Variants in SETD1B observed in about 807,000 individuals in gnomAD.
SETD1B encodes the protein SET domain containing 1B, histone lysine methyltransferase, also known as histone-lysine N-methyltransferase SETD1B.
In SETD1B, 7 loss-of-function variants were observed where a neutral mutation model predicts 148.0. The observed-to-expected ratio is 0.05, with a 90% confidence interval of 0.03 to 0.09. The LOEUF (loss-of-function observed/expected upper bound fraction) is 0.09. Among genes scored for constraint, SETD1B ranks in the 10% least tolerant of loss-of-function variants. SETD1B has a pLI of 1.00. For synonymous variants in SETD1B, 1,361 were observed against 1,186.5 expected, an observed-to-expected ratio of 1.15 and a Z score of -3.02; for missense variants, 2,155 against 2,729.9, an observed-to-expected ratio of 0.79 and a Z score of 4.69.
In SETD1B at chr12:121,810,103, A is replaced by G. The variant is rs771086753; in HGVS notation, c.1158A>G (p.Gln386=). The G allele has an allele frequency of 2.6e-6, 4 of 1,550,096 alleles. No homozygotes were observed. The highest frequency in any genetic ancestry group is 1.7e-6 in the Non-Finnish European group (2 of 1,146,896). The change falls in exon 6 of 17, where the codon CAA becomes CAG. Residue 386 remains glutamine, a synonymous_variant. Coordinates refer to ENST00000604567, the MANE Select transcript of SETD1B (RefSeq NM_001353345.2). This position sits in a 1 kb window ranked among gnomAD's most constrained non-coding sequence, Gnocchi z 7.6. ...ATFAHTPPPA[Q]ATPAPGFKSA... is the part of the protein sequence containing the mutation. Reference sequence around the variant, plus strand: ...TTGCCCACACTCCACCACCCGCCCAAGCAACCCCTGCTCCTGGATTCAAGT... The same window carrying G: ...TTGCCCACACTCCACCACCCGCCCAGGCAACCCCTGCTCCTGGATTCAAGT...
At chr12:121,797,593 G>C in the SETD1B span, 1 of 456,578 alleles carries the variant, frequency 2.2e-6, no homozygotes, top group South Asian at 1.5e-5. Context: ...ACAGCTCACT[G>C]ATTGGATCCA....
intron 6 of SETD1B, among the ~76,000 whole-genome samples, chr12:121,813,436 A>G (rs1369053812): frequency 1.3e-5 from 2 of 152,240 alleles, no homozygotes; most frequent in Admixed American, 6.5e-5. Context: ...CTGAGAGCAC[A>G]GGCTGCAGAA....
upstream of SETD1B, chr12:121,801,203 G>A (rs1278999046): frequency 6.6e-6 from 1 of 152,270 alleles, no homozygotes; most frequent in Non-Finnish European, 1.5e-5. Flanking sequence ...CGATCGAAAG[G>A]AAAGTGGGCC....
the SETD1B span, chr12:121,797,657 A>G: frequency 2.2e-6 from 1 of 454,930 alleles, no homozygotes; most frequent in Non-Finnish European, 4.4e-6. Flanking sequence ...AGGGAGACGT[A>G]CATCAATTAC....
intron 6 of SETD1B, among the ~76,000 whole-genome samples, chr12:121,811,495 C>G (rs1017655252): frequency 3.9e-5 from 6 of 152,228 alleles, no homozygotes; most frequent in Non-Finnish European, 7.3e-5. Context: ...CCCCCACCCT[C>G]TCCTCAGGTC....
chr12:121,827,037 G>A lies in SETD1B; in HGVS notation c.5338-482G>A, dbSNP rs371692562. 3.9e-5 allele frequency among the ~76,000 whole-genome samples: 6 copies of A among 152,184 alleles called. No individual in the cohort carries two copies. The East Asian group carries it at 9.7e-4, about 25-fold the overall frequency. On this transcript the variant is annotated intron_variant, in intron 13 of 16. Coordinates refer to ENST00000604567, the MANE Select transcript of SETD1B (RefSeq NM_001353345.2). ...GCCCGGGGACCTAAGTGTAGGCATC[G>A]CCAGGAGAGAAGTGGTGACTGAAGG...
chr12:121,829,961 G>A (rs947872313), intron 16 of SETD1B, 105 bp from the exon 17 acceptor site: 84 of 1,051,210 alleles, frequency 8.0e-5, no homozygotes, highest in Non-Finnish European at 1.1e-4. Context: ...GGGGTCACGT[G>A]GCATGTCAGG....
chr12:121,811,506 A>C (rs1301461113), intron 6 of SETD1B, among the ~76,000 whole-genome samples: 2 of 152,152 alleles, frequency 1.3e-5, no homozygotes, highest in Non-Finnish European at 2.9e-5. Context: ...TCCTCAGGTC[A>C]TGGGGTCTCG....
chr12:121,790,212 C>T, the SETD1B span, among the ~76,000 whole-genome samples: 5 of 152,254 alleles, frequency 3.3e-5, no homozygotes, highest in African/African-American at 1.2e-4. Context: ...CCAGGACCAG[C>T]GTTTGGTCCT....
chr12:121,798,038 ACAGT>A, the SETD1B span, among the ~76,000 whole-genome samples: 5 of 152,202 alleles, frequency 3.3e-5, no homozygotes, highest in Non-Finnish European at 5.9e-5. Context: ...TTCCAACCAG[ACAGT>A]CCCGGGCAGG....
At chr12:121,798,148 A>C in the SETD1B span, among the ~76,000 whole-genome samples, 1 of 152,220 alleles carries the variant, frequency 6.6e-6, no homozygotes, top group African/African-American at 2.4e-5. Context: ...CTGCCAAGTC[A>C]AGCCACCTGG....
chr12:121,793,585 T>C, the SETD1B span: 1 of 1,553,042 alleles, frequency 6.4e-7, no homozygotes, highest in East Asian at 2.4e-5. Flanking sequence ...AGCTCCTTCC[T>C]GCCCGGACCG....
the SETD1B span, chr12:121,793,153 G>A: frequency 8.4e-6 from 13 of 1,549,710 alleles, no homozygotes; most frequent in African/African-American, 1.1e-4. Context: ...CGCACTCACC[G>A]GCCGTGTCGT....
chr12:121,804,754 C>A lies in SETD1B; in HGVS notation c.17C>A (p.Pro6His), dbSNP rs553235589. The A allele has an allele frequency of 1.2e-4, 189 of 1,550,056 alleles. 1 individual carries two copies. The African/African-American group carries it at 1.5e-3, about 12-fold the overall frequency. MENSH[P>H]PHHHHQQPPP... ...GTTAACGGCATGGAGAACAGTCACC[C>A]CCCCCACCACCACCACCAGCAGCCC... is the stretch of plus-strand genomic sequence containing the variant. Residue 6 changes from proline to histidine, a missense_variant, in exon 2 of 17, where the codon CCC becomes CAC. Physicochemically the swap from Pro to His is moderately conservative, Grantham distance 77. Coordinates refer to ENST00000604567, the MANE Select transcript of SETD1B (RefSeq NM_001353345.2). This position sits in a 1 kb window ranked among gnomAD's most constrained non-coding sequence, Gnocchi z 4.6.
At position 121,817,668 on chromosome 12, in the gene SETD1B, G is replaced by A; in HGVS notation, c.3276G>A (p.Gln1092=). The A allele has an allele frequency of 6.4e-7, 1 of 1,550,636 alleles. No individual in the cohort carries two copies. Among genetic ancestry groups the A allele is most frequent in the Non-Finnish European group, 8.7e-7 (1 of 1,146,582 alleles). Residue 1092 remains glutamine (Q), a synonymous_variant, in exon 9 of 17, where the codon CAG becomes CAA. Coordinates refer to ENST00000604567, the MANE Select transcript of SETD1B (RefSeq NM_001353345.2). This position sits in a 1 kb window ranked among gnomAD's most constrained non-coding sequence, Gnocchi z 8.1. ...AGGAGGAGGAAGTCCCCAGGAGCCA[G>A]CTCTCCTCCTCCTCAACCTCATCCA... ...EEEEEEVPRS[Q]LSSSSTSSTS...
chr12:121,793,713 C>G, the SETD1B span: 3 of 1,282,264 alleles, frequency 2.3e-6, no homozygotes, highest in Non-Finnish European at 3.1e-6. Context: ...GGGGCCGGAA[C>G]CAGCCCCGCC....
intron 5 of SETD1B, among the ~76,000 whole-genome samples, chr12:121,809,383 C>T (rs963093079): frequency 3.9e-5 from 6 of 152,132 alleles, no homozygotes; most frequent in Non-Finnish European, 7.4e-5. Flanking sequence ...TTAGGAATGA[C>T]CCTCAAGGTT....
At chr12:121,799,958 TGGA>T (rs1875245087), upstream of SETD1B, 1 of 152,190 alleles carries the variant, frequency 6.6e-6, no homozygotes, top group Non-Finnish European at 1.5e-5. Context: ...GCCCAGAACC[TGGA>T]GGAGAGGAAG....
chr12:121,814,390 GCCC>G lies in SETD1B; in HGVS notation c.2178_2180del (p.Pro729del). ...CTCCAGCCCACCCTGCTGTGACAGT[GCCC>G]CCACCACCCTTGCCAGCGCCGCCTG... On this transcript the variant is annotated inframe_deletion, in exon 7 of 17. Coordinates refer to ENST00000604567, the MANE Select transcript of SETD1B (RefSeq NM_001353345.2). 8.1e-7 allele frequency: 1 copy of G among 1,231,104 alleles called. No individual in the cohort carries two copies. The highest frequency in any genetic ancestry group is 1.1e-6 in the Non-Finnish European group (1 of 923,500). 76.3% of individuals were successfully genotyped at this position (1,231,104 alleles called of 1,614,324 possible).
Sources: gnomAD v4.1 joint callset for allele counts (sites outside exome capture counted in the v4.1 genomes callset) on GRCh38, gnomAD v4.1.1 for gene constraint, Gnocchi (gnomAD v3.1) non-coding constraint, MANE v1.5 for transcripts, NCBI Gene and HGNC (gene_info 2026-07-23, HGNC 2026-07-21) for gene names.